SLC5A11: variants seen among roughly 807,000 people sequenced by gnomAD.
SLC5A11 encodes solute carrier family 5 member 11.
A neutral mutation model predicts 69.8 loss-of-function variants in SLC5A11; 48 were observed. The observed-to-expected ratio is 0.69, with a 90% CI of 0.55 to 0.87. The LOEUF is 0.87. SLC5A11 is among the 40% of genes least tolerant of loss of function. The probability of loss-of-function intolerance (pLI) is 0.00; values close to 1 mark genes in which losing one functional copy is unlikely to be tolerated. For missense variants in SLC5A11, 784 were observed against 866.1 expected, an observed-to-expected ratio of 0.91 and a Z score of 1.19; for synonymous variants, 319 against 342.4, an observed-to-expected ratio of 0.93 and a Z score of 0.75.
chr16:24,883,314 A>G (rs1230427587), intron 7 of SLC5A11, among the ~76,000 whole-genome samples: 2 of 152,158 alleles, frequency 1.3e-5, no homozygotes, highest in Admixed American at 6.6e-5. Context: ...GCAGTGAGCT[A>G]TGATCACGCC....
exon 14 of SLC5A11, chr16:24,908,926 A>G: frequency 6.2e-7 from 1 of 1,614,038 alleles, no homozygotes; most frequent in East Asian, 2.2e-5. Context: ...GGGCTTGGTT[A>G]GGCTGGTCCT....
rs1355634325 is a variant in SLC5A11, at chr16:24,891,391, A to G, written c.870+317A>G. On this transcript the variant is annotated intron_variant, in intron 9 of 15. Coordinates refer to ENST00000347898, the Ensembl canonical transcript of SLC5A11. ...AGGCAGAGGCACGATCATAGCTCAC[A>G]GCAGCCTTCATCTCCTGGGCTCAAG... Among the ~76,000 whole-genome samples the G allele has an allele frequency of 4.7e-5, 7 of 148,172 alleles. No individual in the cohort carries two copies. The East Asian group carries it at 1.4e-3, about 29-fold the overall frequency.
intron 7 of SLC5A11, among the ~76,000 whole-genome samples, chr16:24,880,808 C>G (rs2047996545): frequency 1.3e-5 from 2 of 152,154 alleles, no homozygotes; most frequent in Admixed American, 1.3e-4. Context: ...GGACACAGAG[C>G]CAAACCATAT....
rs200363281 is a variant in SLC5A11 at position 24,862,692 on chromosome 16, A to G, written c.207+20A>G. 233 of 1,607,762 alleles carry G rather than the reference A, an allele frequency of 1.4e-4. 1 individual carries two copies. The highest frequency in any genetic ancestry group is 1.9e-4 in the Non-Finnish European group (218 of 1,174,860). On this transcript the variant is annotated intron_variant, in intron 3 of 15. Transcript: ENST00000347898. The stretch of plus-strand genomic sequence containing the variant: ...TGGCCAGTAAGTGGTCTTTGGTTCA[A>G]TTAAAGTCACTTCTTAAAGAATCTT...
At chr16:24,901,956 A>ACGCG (rs1555532930) in intron 10 of SLC5A11, among the ~76,000 whole-genome samples, 5 of 95,840 alleles carry the variant, frequency 5.2e-5, no homozygotes, top group African/African-American at 1.2e-4. Flanking sequence ...ACACACACAC[A>ACGCG]CGCACACACA....
At chr16:24,852,657 G>C (rs527356026) in intron 1 of SLC5A11, among the ~76,000 whole-genome samples, 2 of 152,168 alleles carry the variant, frequency 1.3e-5, no homozygotes, top group African/African-American at 4.8e-5. Flanking sequence ...TCACTTCACC[G>C]AGTGGGCCCA....
chr16:24,856,535 C>T (rs1014160148), intron 1 of SLC5A11, among the ~76,000 whole-genome samples: 12 of 144,220 alleles, frequency 8.3e-5, no homozygotes, highest in African/African-American at 2.8e-4. Context: ...GGGTGGATCA[C>T]GAGGTCAGGA....
chr16:24,898,958 A>G (rs973458277), intron 10 of SLC5A11, among the ~76,000 whole-genome samples: 10 of 152,250 alleles, frequency 6.6e-5, no homozygotes, highest in Middle Eastern at 3.4e-3. Flanking sequence ...CTGAGACTAC[A>G]GGCATGCACT....
chr16:24,854,592 C>A (rs1373856855), intron 1 of SLC5A11, among the ~76,000 whole-genome samples: 1 of 148,338 alleles, frequency 6.7e-6, no homozygotes, highest in Non-Finnish European at 1.5e-5. Context: ...ACCACACCCA[C>A]CTAAAAAAAT....
At chr16:24,851,991 C>CTG (rs1313470509) in intron 1 of SLC5A11, among the ~76,000 whole-genome samples, 1 of 150,082 alleles carries the variant, frequency 6.7e-6, no homozygotes, top group Non-Finnish European at 1.5e-5. Flanking sequence ...CTCTCTCTCT[C>CTG]TCTCCCACTC....
At chr16:24,891,310 C>CTTTTT (rs11286846) in intron 9 of SLC5A11, among the ~76,000 whole-genome samples, 5 of 102,170 alleles carry the variant, frequency 4.9e-5, no homozygotes, top group African/African-American at 1.1e-4. Flanking sequence ...CACACTCTGC[C>CTTTTT]TTTTTTTTTT....
intron 14 of SLC5A11, among the ~76,000 whole-genome samples, chr16:24,909,985 T>C (rs1177628319): frequency 2.0e-5 from 3 of 152,018 alleles, no homozygotes; most frequent in Non-Finnish European, 4.4e-5. Flanking sequence ...ACGGATGAGC[T>C]GAAATGACCA....
rs1182615959 is a variant in SLC5A11, at chr16:24,849,572, C to CAAAAAAA, written c.-25+3150_-25+3156dup. On this transcript the variant is annotated intron_variant, in intron 1 of 15. Coordinates refer to ENST00000347898, the Ensembl canonical transcript of SLC5A11. ...ACAGAGCGAGACTCTGCCTTGGGGG[C>CAAAAAAA]AAAAAAAAAAAAAAAAAAAAAATAT... Among the ~76,000 whole-genome samples the CAAAAAAA allele has an allele frequency of 7.5e-4, 29 of 38,478 alleles. 1 individual carries two copies. Among genetic ancestry groups the CAAAAAAA allele is most frequent in the African/African-American group, 1.5e-3 (13 of 8,512 alleles). The allele number at this position is 38,478 out of a possible 152,430, so 25.2% of individuals were successfully genotyped here. A position where few individuals can be genotyped will look rare whatever the true frequency, so the allele number is the denominator to read the frequency against.
chr16:24,856,597 C>CAAA (rs35867622), intron 1 of SLC5A11, among the ~76,000 whole-genome samples: 4 of 88,830 alleles, frequency 4.5e-5, no homozygotes, highest in Admixed American at 1.5e-4. Flanking sequence ...ACTAAAAATA[C>CAAA]AAAAAAAAAA....
intron 9 of SLC5A11, among the ~76,000 whole-genome samples, 181 bp from the exon 11 acceptor site, chr16:24,897,793 C>T (rs1160658824): frequency 6.6e-6 from 1 of 152,198 alleles, no homozygotes; most frequent in Admixed American, 6.5e-5. Flanking sequence ...TCTCATGAGA[C>T]ATATTCACTA....
intron 7 of SLC5A11, among the ~76,000 whole-genome samples, chr16:24,878,454 C>T (rs1029538770): frequency 1.2e-4 from 18 of 152,154 alleles, no homozygotes; most frequent in African/African-American, 1.9e-4. Context: ...CACCCTTTTC[C>T]GCCTCCTCTT....
intron 3 of SLC5A11, among the ~76,000 whole-genome samples, chr16:24,865,388 C>T (rs2046855643): frequency 6.6e-6 from 1 of 152,062 alleles, no homozygotes; most frequent in South Asian, 2.1e-4. Context: ...TGGAGAAACC[C>T]CATCTCTACT....
chr16:24,885,369 G>A (rs1007081608), intron 8 of SLC5A11, among the ~76,000 whole-genome samples: 3 of 146,656 alleles, frequency 2.0e-5, no homozygotes, highest in African/African-American at 4.9e-5. Context: ...AACAAAGGCC[G>A]AGTGTGGTGG....
chr16:24,907,103 C>T lies in SLC5A11; in HGVS notation c.1193C>T (p.Thr398Ile), dbSNP rs776590107. 6 of 1,614,160 alleles carry T rather than the reference C, an allele frequency of 3.7e-6. No homozygotes were observed. The South Asian group carries it at 5.5e-5, about 15-fold the overall frequency. ...ACCTCCATCTTTAACAGTGCCAGCA[C>T]CATCTTCACCATGGACCTCTGGAAT... is the stretch of plus-strand genomic sequence containing the variant. Residue 398 changes from threonine to isoleucine, a missense_variant, in exon 12 of 16, where the codon ACC becomes ATC. Thr to Ile is a moderately conservative substitution (Grantham distance 89). Transcript: ENST00000347898.
Sources: gnomAD v4.1 joint callset for allele counts (sites outside exome capture counted in the v4.1 genomes callset) on GRCh38, gnomAD v4.1.1 for gene constraint, MANE v1.5 for transcripts, NCBI Gene and HGNC (gene_info 2026-07-23, HGNC 2026-07-21) for gene names.